The following SLC30A6 variants were observed in gnomAD, a reference collection of about 807,000 sequenced individuals.
The protein encoded by SLC30A6 is solute carrier family 30 member 6.
A neutral mutation model predicts 63.0 loss-of-function variants in SLC30A6; 55 were observed. The observed-to-expected ratio is 0.87, with a 90% confidence interval of 0.70 to 1.09. The LOEUF (loss-of-function observed/expected upper bound fraction) is 1.09, where lower values mean the gene tolerates loss of function less well. Among genes scored for constraint, SLC30A6 ranks in the 50% least tolerant of loss-of-function variants. The probability of loss-of-function intolerance (pLI) is 0.00; values close to 1 mark genes in which losing one functional copy is unlikely to be tolerated. For synonymous variants in SLC30A6, 224 were observed against 186.1 expected (o/e 1.20, Z -1.66); for missense variants, 587 against 549.2 (o/e 1.07, Z -0.69).
chr2:32,166,462 T>G (rs1039416735), intron 1 of SLC30A6, among the ~76,000 whole-genome samples: 6 of 152,252 alleles, frequency 3.9e-5, no homozygotes, highest in Admixed American at 1.3e-4. Context: ...TATTGCTGCT[T>G]TATTTCTGGG....
At chr2:32,207,692 ATTTTTTTT>A (rs34666891) in intron 12 of SLC30A6, among the ~76,000 whole-genome samples, 8 of 54,436 alleles carry the variant, frequency 1.5e-4, no homozygotes, top group East Asian at 6.4e-4. Context: ...TAACTTCTGT[ATTTTTTTT>A]TTTTTTTTTT....
In SLC30A6 at chr2:32,223,025, A is replaced by T. The variant is rs1180416685; in HGVS notation, c.*2312A>T. 6.6e-6 allele frequency: 1 copy of T among 152,186 alleles called. No individual in the cohort carries two copies. Among genetic ancestry groups the T allele is most frequent in the African/African-American group, 2.4e-5 (1 of 41,442 alleles). 9.4% of individuals were successfully genotyped at this position (152,186 alleles called of 1,614,324 possible). A position where few individuals can be genotyped will look rare whatever the true frequency, so the allele number is the denominator to read the frequency against. ...AGGTGCTTTAATACCTACCTTCACT[A>T]TTTGAGAAAGGACACTCACAGTTGC... On this transcript the variant is annotated 3_prime_UTR_variant, in exon 14 of 14. Coordinates refer to ENST00000282587, the MANE Select transcript of SLC30A6 (RefSeq NM_017964.5).
chr2:32,204,662 G>T lies in SLC30A6; in HGVS notation c.738G>T (p.Met246Ile). 6.2e-7 allele frequency: 1 copy of T among 1,611,888 alleles called. No individual in the cohort carries two copies. The highest frequency in any genetic ancestry group is 8.5e-7 in the Non-Finnish European group (1 of 1,178,526). ...ALMTFGTMYP[M>I]SVYSGKVLLQ... ...TGACATTTGGCACTATGTATCCCAT[G>T]AGTGTGTACAGTGGGAAAGTCTTAC... Residue 246 changes from methionine to isoleucine, a missense_variant, in exon 11 of 14, where the codon ATG becomes ATT. Met to Ile is a conservative substitution (Grantham distance 10). Coordinates refer to ENST00000282587, the MANE Select transcript of SLC30A6 (RefSeq NM_017964.5).
At chr2:32,211,911 C>T (rs947205674) in intron 13 of SLC30A6, among the ~76,000 whole-genome samples, 3 of 152,124 alleles carry the variant, frequency 2.0e-5, no homozygotes, top group African/African-American at 4.8e-5. Flanking sequence ...TGAGCTACTG[C>T]GCTCGGCCCA....
chr2:32,202,171 TGAG>T, intron 10 of SLC30A6: 1 of 774,020 alleles, frequency 1.3e-6, no homozygotes, highest in African/African-American at 1.8e-5. Flanking sequence ...TCTGAAAGGT[TGAG>T]GGGTAACATC....
rs747674430 is a variant in SLC30A6 at position 32,165,892 on chromosome 2, C to G, written c.-9C>G. The G allele has an allele frequency of 1.1e-5, 17 of 1,614,052 alleles. No individual in the cohort carries two copies. The highest frequency in any genetic ancestry group is 7.7e-5 in the South Asian group (7 of 91,084). ...ACGGCTTCCGGCGGGAGCTGTGCAGCTCCTTATCATGGTGAGTTGGCTGTT... is the reference window on the plus strand; with the variant it reads ...ACGGCTTCCGGCGGGAGCTGTGCAGGTCCTTATCATGGTGAGTTGGCTGTT... On this transcript the variant is annotated 5_prime_UTR_variant, in exon 1 of 14. Coordinates refer to ENST00000282587, the MANE Select transcript of SLC30A6 (RefSeq NM_017964.5).
chr2:32,204,045 T>A (rs1684527980), intron 10 of SLC30A6: 1 of 608,238 alleles, frequency 1.6e-6, no homozygotes, highest in East Asian at 2.9e-5. Flanking sequence ...TATTTCTGCC[T>A]AATCATGTAT....
intron 5 of SLC30A6, among the ~76,000 whole-genome samples, chr2:32,189,462 T>A (rs1249402432): frequency 1.3e-5 from 2 of 151,458 alleles, no homozygotes; most frequent in African/African-American, 4.9e-5. Flanking sequence ...TAATTTTTTT[T>A]ATTTTTTTAT....
rs1390806861 is a variant in SLC30A6, at chr2:32,223,960, GT to G, written c.*3248del. 8 of 152,210 alleles carry G rather than the reference GT, an allele frequency of 5.3e-5. No individual in the cohort carries two copies. The highest frequency in any genetic ancestry group is 1.9e-4 in the African/African-American group (8 of 41,430). The allele number at this position is 152,210 out of a possible 1,614,324, so 9.4% of individuals were successfully genotyped here. A position where few individuals can be genotyped will look rare whatever the true frequency, so the allele number is the denominator to read the frequency against. Reference sequence around the variant, plus strand: ...TTTCAAGCTTCTGATTTAGCTGTTTGTAAACTTCCAAGTTTTGCTTGACTAA... The same window carrying G: ...TTTCAAGCTTCTGATTTAGCTGTTTGAAACTTCCAAGTTTTGCTTGACTAA... On this transcript the variant is annotated 3_prime_UTR_variant, in exon 14 of 14. Transcript: ENST00000282587.
intron 10 of SLC30A6, among the ~76,000 whole-genome samples, chr2:32,201,257 C>T (rs1195654370): frequency 6.6e-6 from 1 of 152,178 alleles, no homozygotes; most frequent in African/African-American, 2.4e-5. Flanking sequence ...AAAGAGTGCA[C>T]AATCAGCTTG....
intron 4 of SLC30A6, among the ~76,000 whole-genome samples, chr2:32,181,976 C>G (rs1315625806): frequency 2.0e-5 from 3 of 148,590 alleles, no homozygotes; most frequent in Non-Finnish European, 4.5e-5. Context: ...ACTCTGTCAC[C>G]CAGGCTGAGT....
chr2:32,187,303 G>C (rs1682925213), intron 5 of SLC30A6: 1 of 465,442 alleles, frequency 2.1e-6, no homozygotes, highest in Non-Finnish European at 4.4e-6. Flanking sequence ...TAATATTTAT[G>C]GTAGGCAATA....
intron 1 of SLC30A6, among the ~76,000 whole-genome samples, chr2:32,169,694 G>A (rs1012033970): frequency 2.5e-4 from 38 of 152,164 alleles, no homozygotes; most frequent in East Asian, 7.7e-4. Flanking sequence ...ATGGGGCTGC[G>A]ACAGAGTGAA....
intron 2 of SLC30A6, among the ~76,000 whole-genome samples, chr2:32,173,050 C>G (rs1681376706): frequency 6.6e-6 from 1 of 152,160 alleles, no homozygotes; most frequent in African/African-American, 2.4e-5. Context: ...TATAATTGTT[C>G]TGTTTCTTAC....
Position 32,223,172 on chromosome 2 carries a change from A to T in SLC30A6, c.*2459A>T, listed in dbSNP as rs1333318769. On this transcript the variant is annotated 3_prime_UTR_variant, in exon 14 of 14. Coordinates refer to ENST00000282587, the MANE Select transcript of SLC30A6 (RefSeq NM_017964.5). ...AAGCTCTGACTAACTTCTGGATATG[A>T]AAATAAGGAACTTGCCCAGCATAGG... 6.6e-6 allele frequency: 1 copy of T among 152,248 alleles called. No individual in the cohort carries two copies. The highest frequency in any genetic ancestry group is 1.5e-5 in the Non-Finnish European group (1 of 68,050). The allele number at this position is 152,248 out of a possible 1,614,324, so 9.4% of individuals were successfully genotyped here.
At chr2:32,190,423 C>G (rs1203255926) in intron 5 of SLC30A6, among the ~76,000 whole-genome samples, 2 of 150,580 alleles carry the variant, frequency 1.3e-5, no homozygotes, top group Non-Finnish European at 2.9e-5. Context: ...CGTGTCATTG[C>G]TCTCCAGCCT....
At chr2:32,203,091 C>T (rs1684437921) in intron 10 of SLC30A6, 1 of 1,309,556 alleles carries the variant, frequency 7.6e-7, no homozygotes, top group Non-Finnish European at 1.1e-6. Flanking sequence ...AGAATTTACA[C>T]TAAAAGACTT....
intron 1 of SLC30A6, among the ~76,000 whole-genome samples, chr2:32,166,900 A>G (rs1394604965): frequency 6.6e-6 from 1 of 152,254 alleles, no homozygotes; most frequent in Non-Finnish European, 1.5e-5. Context: ...GCTCTTCTTC[A>G]AAACATTCAC....
At chr2:32,186,660 C>G (rs1253624349) in intron 5 of SLC30A6, among the ~76,000 whole-genome samples, 2 of 151,694 alleles carry the variant, frequency 1.3e-5, no homozygotes, top group Non-Finnish European at 2.9e-5. Context: ...CCACTGCACA[C>G]CAGCCTGGGT....
Sources: allele counts gnomAD v4.1 joint callset (sites outside exome capture counted in the v4.1 genomes callset), GRCh38; gene constraint gnomAD v4.1.1; transcripts MANE v1.5; gene names NCBI Gene and HGNC (gene_info 2026-07-23, HGNC 2026-07-21).